Variants in NTM observed in about 807,000 individuals in gnomAD.
NTM encodes IgLON family member 2.
In NTM, 13 loss-of-function variants were observed where a neutral mutation model predicts 42.1. That is an observed-to-expected ratio of 0.31 (90% CI 0.20 to 0.49). NTM has a LOEUF of 0.49. Ranked by LOEUF, NTM falls within the 20% of genes least tolerant of loss-of-function variation. The probability of loss-of-function intolerance (pLI) is 0.99; values close to 1 mark genes in which losing one functional copy is unlikely to be tolerated. For synonymous variants in NTM, 187 were observed against 179.2 expected (o/e 1.04, Z -0.35); for missense variants, 373 against 452.8 (o/e 0.82, Z 1.60).
chr11:131,649,510 T>A (rs1019810720), intron 1 of NTM, among the ~76,000 whole-genome samples: 12 of 152,174 alleles, frequency 7.9e-5, no homozygotes, highest in African/African-American at 2.7e-4. Flanking sequence ...CAGAGAAACA[T>A]GGCTGAGATG....
At chr11:131,392,383 G>GGTTGGGCTTCAT (rs1944121149) in intron 1 of NTM, among the ~76,000 whole-genome samples, 1 of 151,084 alleles carries the variant, frequency 6.6e-6, no homozygotes, top group African/African-American at 2.5e-5. Flanking sequence ...GAAGGGATGG[G>GGTTGGGCTTCAT]AGTCCTGTGT....
chr11:131,782,930 G>T (rs943498482), intron 1 of NTM, among the ~76,000 whole-genome samples: 11 of 152,114 alleles, frequency 7.2e-5, no homozygotes, highest in African/African-American at 2.7e-4. Flanking sequence ...AACGAGAAAA[G>T]AATATCTGCT....
intron 3 of NTM, among the ~76,000 whole-genome samples, chr11:132,171,002 A>G (rs886524790): frequency 6.6e-6 from 1 of 152,184 alleles, no homozygotes; most frequent in Non-Finnish European, 1.5e-5. Context: ...ATTAAATTGT[A>G]GTTATCTCTT....
intron 2 of NTM, among the ~76,000 whole-genome samples, chr11:132,035,893 T>G (rs188516231): frequency 2.1e-3 from 315 of 152,312 alleles, no homozygotes; most frequent in African/African-American, 7.2e-3. Context: ...GCAGCAAATC[T>G]GCTTTAACAG....
rs1287758808 is a variant in NTM at position 131,624,436 on chromosome 11, CT to C, written c.82+253549del. On this transcript the variant is annotated intron_variant, in intron 1 of 8. Transcript: ENST00000683400. ...GCAGTCCTAAATATTAATTGTGGTC[CT>C]GCAGGTACAGAGCTAAGCAAGTGTC... is the stretch of plus-strand genomic sequence containing the variant. 3.3e-5 allele frequency among the ~76,000 whole-genome samples: 5 copies of C among 152,222 alleles called. No individual in the cohort carries two copies. In the South Asian group the frequency reaches 1.0e-3, roughly 32 times the overall value.
chr11:131,906,684 G>A (rs1711843606), intron 1 of NTM, among the ~76,000 whole-genome samples: 1 of 152,116 alleles, frequency 6.6e-6, no homozygotes. Context: ...ACCTCCGATT[G>A]TTCTATCCAC....
At chr11:131,843,045 A>G (rs546316292) in intron 1 of NTM, among the ~76,000 whole-genome samples, 1 of 152,230 alleles carries the variant, frequency 6.6e-6, no homozygotes, top group South Asian at 2.1e-4. Context: ...ATATAAAATG[A>G]AAAGCAAAAT....
chr11:131,791,072 G>C (rs149435421), intron 1 of NTM, among the ~76,000 whole-genome samples: 1 of 152,092 alleles, frequency 6.6e-6, no homozygotes, highest in Non-Finnish European at 1.5e-5. Context: ...GGTTTAGTGC[G>C]GTGCCTATGT....
rs200618752 is a variant in NTM at position 132,146,375 on chromosome 11, C to T, written c.261C>T (p.Arg87=). 4.3e-6 allele frequency: 7 copies of T among 1,614,168 alleles called. No individual in the cohort carries two copies. Among genetic ancestry groups the T allele is most frequent in the African/African-American group, 2.7e-5 (2 of 75,056 alleles). ...AGNDKWCLDP[R]VVLLSNTQTQ... is the part of the protein sequence containing the mutation. ...ATGACAAGTGGTGCCTGGATCCTCGCGTGGTCCTTCTGAGCAACACCCAAA... is the reference window on the plus strand; with the variant it reads ...ATGACAAGTGGTGCCTGGATCCTCGTGTGGTCCTTCTGAGCAACACCCAAA... Residue 87 remains arginine, a synonymous_variant, in exon 3 of 9, where the codon CGC becomes CGT. Transcript: ENST00000683400. The surrounding 1 kb of genome is among the most constrained non-coding windows in gnomAD (Gnocchi z 4.5).
chr11:132,185,176 T>A (rs990288619), intron 3 of NTM, among the ~76,000 whole-genome samples: 34 of 152,184 alleles, frequency 2.2e-4, no homozygotes, highest in Non-Finnish European at 1.5e-5. Context: ...AACATCTCTT[T>A]CTGTGTCTTG....
intron 7 of NTM, among the ~76,000 whole-genome samples, chr11:132,328,489 G>GA (rs896296192): frequency 1.3e-5 from 2 of 152,018 alleles, no homozygotes; most frequent in African/African-American, 4.8e-5. Context: ...TTTTTTTGGG[G>GA]GGGTCTTTGT....
chr11:131,998,866 T>C (rs763916275), intron 2 of NTM, among the ~76,000 whole-genome samples: 1 of 152,178 alleles, frequency 6.6e-6, no homozygotes, highest in Non-Finnish European at 1.5e-5. Context: ...CAGAGAACCA[T>C]ACCAGCGTGG....
chr11:131,512,163 G>A (rs1222062685), intron 1 of NTM, among the ~76,000 whole-genome samples: 3 of 152,214 alleles, frequency 2.0e-5, no homozygotes, highest in South Asian at 2.1e-4. Flanking sequence ...GAGCCTTGGG[G>A]ACACGAGTGG....
chr11:131,894,302 T>A (rs1232673720), intron 1 of NTM, among the ~76,000 whole-genome samples: 1 of 152,172 alleles, frequency 6.6e-6, no homozygotes, highest in African/African-American at 2.4e-5. Flanking sequence ...CTAAAGGCAC[T>A]TTCACCCATA....
chr11:131,854,810 A>G (rs1221982002), intron 1 of NTM, among the ~76,000 whole-genome samples: 1 of 152,228 alleles, frequency 6.6e-6, no homozygotes, highest in African/African-American at 2.4e-5. Flanking sequence ...ACCTGGACAC[A>G]GGGCATAAAC....
Position 131,858,035 on chromosome 11 carries a change from C to T in NTM, c.83-53529C>T, listed in dbSNP as rs61291427. Among the ~76,000 whole-genome samples, 693 of 152,016 alleles carry T rather than the reference C, an allele frequency of 4.6e-3. 7 individuals carry two copies. Among genetic ancestry groups the T allele is most frequent in the African/African-American group, 0.016 (650 of 41,444 alleles). Reference sequence around the variant, plus strand: ...TGCCTACTCCATCTCTTCCAGCCTCCGCCCCGCCCATGCCTCACCCTTCCT... The same window carrying T: ...TGCCTACTCCATCTCTTCCAGCCTCTGCCCCGCCCATGCCTCACCCTTCCT... On this transcript the variant is annotated intron_variant, in intron 1 of 8. Transcript: ENST00000683400.
At chr11:131,371,154 G>T in intron 1 of NTM, 1 of 945,402 alleles carries the variant, frequency 1.1e-6, no homozygotes, top group South Asian at 4.9e-5. Context: ...TGTGTGCAAG[G>T]CTCCCTGGCT....
chr11:131,866,020 T>C (rs1277150026), intron 1 of NTM, among the ~76,000 whole-genome samples: 1 of 102,228 alleles, frequency 9.8e-6, no homozygotes, highest in African/African-American at 3.8e-5. Flanking sequence ...TGCCACACTC[T>C]CACACATGCT....
chr11:131,823,619 A>G (rs1292649238), intron 1 of NTM, among the ~76,000 whole-genome samples: 1 of 151,722 alleles, frequency 6.6e-6, no homozygotes, highest in Non-Finnish European at 1.5e-5. Flanking sequence ...TGTCTTGGGG[A>G]AAAAAAGGAA....
Sources: gnomAD v4.1 joint callset for allele counts (sites outside exome capture counted in the v4.1 genomes callset) on GRCh38, gnomAD v4.1.1 for gene constraint, Gnocchi (gnomAD v3.1) non-coding constraint, MANE v1.5 for transcripts, NCBI Gene and HGNC (gene_info 2026-07-23, HGNC 2026-07-21) for gene names.